The following THADA variants were observed in gnomAD, a reference collection of about 807,000 sequenced individuals.
The protein encoded by THADA is tRNA (32-2'-O)-methyltransferase regulator THADA.
A neutral mutation model predicts 219.8 loss-of-function variants in THADA; 213 were observed. The ratio of observed to expected loss-of-function variants is 0.97; its 90% CI spans 0.87 to 1.09. The LOEUF (loss-of-function observed/expected upper bound fraction) is 1.09. Ranked by LOEUF, THADA falls within the 50% of genes least tolerant of loss-of-function variation. The probability of loss-of-function intolerance (pLI) is 0.00; values close to 1 mark genes in which losing one functional copy is unlikely to be tolerated. For synonymous variants in THADA, 1,018 were observed against 828.9 expected (o/e 1.23, Z -3.92); for missense variants, 2,956 against 2,311.3 (o/e 1.28, Z -5.72).
At chr2:43,417,122 T>C (rs1677094395) in intron 28 of THADA, among the ~76,000 whole-genome samples, 1 of 150,116 alleles carries the variant, frequency 6.7e-6, no homozygotes, top group Admixed American at 6.7e-5. Context: ...TTACTATATG[T>C]GAAAGTACAC....
chr2:43,505,181 T>C (rs1331521332), intron 24 of THADA, among the ~76,000 whole-genome samples: 1 of 152,224 alleles, frequency 6.6e-6, no homozygotes, highest in South Asian at 2.1e-4. Context: ...AGTGCTAGCA[T>C]ATGCACTTTC....
chr2:43,457,731 T>G (rs193279160), intron 26 of THADA, among the ~76,000 whole-genome samples: 109 of 152,320 alleles, frequency 7.2e-4, no homozygotes, highest in Non-Finnish European at 1.9e-4. Context: ...TTCTAACACT[T>G]TTTTCTTTTG....
chr2:43,533,341 A>C (rs1030535911), intron 21 of THADA, among the ~76,000 whole-genome samples: 1 of 152,254 alleles, frequency 6.6e-6, no homozygotes, highest in Non-Finnish European at 1.5e-5. Flanking sequence ...CGATTCCTCA[A>C]GGATCTAGAA....
intron 29 of THADA, 141 bp downstream of exon 29, chr2:43,397,830 T>C: frequency 1.4e-6 from 1 of 736,972 alleles, no homozygotes; most frequent in Non-Finnish European, 2.2e-6. Context: ...AGATACCTGA[T>C]CTTTCGGAAG....
rs751832787 is a variant in THADA, at chr2:43,574,400, A to C, written c.1665T>G (p.Ser555Arg). The change falls in exon 11 of 38, where the codon AGT (serine) becomes AGG (arginine). Residue 555 changes from serine to arginine, a missense_variant. By Grantham distance (110) the Ser-to-Arg change is moderately radical (BLOSUM62 -1). Transcript: ENST00000405975. ...VIDYYLPKLLSYSPESLQYMV... is the reference protein window; with the variant it reads ...VIDYYLPKLLRYSPESLQYMV... ...TGTACTGTAAGCTTTCAGGGCTGTA[A>C]CTTAATAATTTTGGCAAGTAATAAT... 1 of 1,609,828 alleles carries C rather than the reference A, an allele frequency of 6.2e-7. No individual in the cohort carries two copies. The highest frequency in any genetic ancestry group is 2.2e-5 in the East Asian group (1 of 44,878).
intron 30 of THADA, among the ~76,000 whole-genome samples, chr2:43,329,127 T>C (rs1679675242): frequency 6.6e-6 from 1 of 152,234 alleles, no homozygotes; most frequent in African/African-American, 2.4e-5. Flanking sequence ...CCTCTGTGAC[T>C]TGTTTAAAAG....
At chr2:43,334,568 T>G (rs957848692) in intron 30 of THADA, among the ~76,000 whole-genome samples, 4 of 152,164 alleles carry the variant, frequency 2.6e-5, no homozygotes, top group African/African-American at 4.8e-5. Flanking sequence ...AATATCAGAC[T>G]GTTATTTTTA....
intron 14 of THADA, among the ~76,000 whole-genome samples, chr2:43,568,068 AG>A (rs572635560): frequency 2.4e-4 from 37 of 152,264 alleles, no homozygotes; most frequent in Non-Finnish European, 4.7e-4. Flanking sequence ...AGTCAAGAGC[AG>A]GTCTGGATTG....
At chr2:43,267,645 G>A (rs1020985823) in intron 36 of THADA, among the ~76,000 whole-genome samples, 2 of 152,136 alleles carry the variant, frequency 1.3e-5, no homozygotes, top group African/African-American at 2.4e-5. Flanking sequence ...CCTGCCTTCC[G>A]GCTCACCAGA....
chr2:43,587,097 C>CTGACT, intron 4 of THADA, 95 bp from the exon 5 acceptor site: 1 of 1,289,370 alleles, frequency 7.8e-7, no homozygotes, highest in Non-Finnish European at 1.1e-6. Flanking sequence ...GAATACTGAA[C>CTGACT]TAAATCTTCA....
In THADA at chr2:43,404,365, TTTTTC is replaced by T. The variant is rs1254927267; in HGVS notation, c.4059-6231_4059-6227del. On this transcript the variant is annotated intron_variant, in intron 28 of 37. Coordinates refer to ENST00000405975, the MANE Select transcript of THADA (RefSeq NM_022065.5). ...GTGCCACCAGGCCTAGCTAATTTTC[TTTTTC>T]TTTTCTTTTTTTTTTTTTTTTTTAA... is the stretch of plus-strand genomic sequence containing the variant. 1.1e-4 allele frequency among the ~76,000 whole-genome samples: 17 copies of T among 151,290 alleles called. No homozygotes were observed. The South Asian group carries it at 2.1e-3, about 19-fold the overall frequency.
At chr2:43,457,197 G>T (rs1683120974) in intron 26 of THADA, among the ~76,000 whole-genome samples, 1 of 148,434 alleles carries the variant, frequency 6.7e-6, no homozygotes, top group African/African-American at 2.5e-5. Flanking sequence ...CACAGTGAGT[G>T]AGGTGATTAA....
intron 9 of THADA, 132 bp downstream of exon 9, chr2:43,578,381 A>G: frequency 1.9e-6 from 1 of 521,604 alleles, no homozygotes; most frequent in Non-Finnish European, 3.4e-6. Context: ...TCCTGGCCTC[A>G]AGTGACCCTC....
chr2:43,545,479 A>C (rs1244516447), intron 20 of THADA, among the ~76,000 whole-genome samples: 2 of 152,080 alleles, frequency 1.3e-5, no homozygotes, highest in African/African-American at 2.4e-5. Context: ...CTCTGGTAGA[A>C]TTCGGCTGTG....
intron 28 of THADA, among the ~76,000 whole-genome samples, chr2:43,421,317 A>G (rs1677691631): frequency 6.6e-6 from 1 of 152,170 alleles, no homozygotes; most frequent in African/African-American, 2.4e-5. Context: ...GCAGATTAGG[A>G]TGGCTGGGCA....
In THADA at chr2:43,234,815, G is replaced by A. The variant is rs531161835; in HGVS notation, c.5297-1933C>T. Among the ~76,000 whole-genome samples, 8 of 152,148 alleles carry A rather than the reference G, an allele frequency of 5.3e-5. No individual in the cohort carries two copies. In the South Asian group the frequency reaches 1.7e-3, roughly 32 times the overall value. On this transcript the variant is annotated intron_variant, in intron 36 of 37. Transcript: ENST00000405975. ...CTATAGGCATGTGCCACCACACCCAGATAATTTTGTTTTTGCCCAGCTAAT... is the reference window on the plus strand; with the variant it reads ...CTATAGGCATGTGCCACCACACCCAAATAATTTTGTTTTTGCCCAGCTAAT...
intron 10 of THADA, among the ~76,000 whole-genome samples, chr2:43,575,392 G>A (rs908447447): frequency 6.6e-6 from 1 of 152,182 alleles, no homozygotes; most frequent in Non-Finnish European, 1.5e-5. Flanking sequence ...AGACTGCAAT[G>A]AGCTGTGCTC....
intron 4 of THADA, 138 bp downstream of exon 4, chr2:43,590,686 A>C (rs964633944): frequency 1.2e-6 from 1 of 828,994 alleles, no homozygotes; most frequent in African/African-American, 1.7e-5. Context: ...CTAATCAATG[A>C]AACAGAGAAC....
intron 36 of THADA, among the ~76,000 whole-genome samples, chr2:43,251,295 C>T (rs1184956363): frequency 1.3e-5 from 2 of 152,208 alleles, no homozygotes; most frequent in Non-Finnish European, 2.9e-5. Context: ...GTTTCCATTT[C>T]ACTGCCTGAG....
Sources: allele counts gnomAD v4.1 joint callset (sites outside exome capture counted in the v4.1 genomes callset), GRCh38; gene constraint gnomAD v4.1.1; transcripts MANE v1.5; gene names NCBI Gene and HGNC (gene_info 2026-07-23, HGNC 2026-07-21).